The following SORCS2 variants were observed in gnomAD, a reference collection of about 807,000 sequenced individuals.
SORCS2 encodes sortilin related VPS10 domain containing receptor 2, also known as VPS10 domain-containing receptor SorCS2.
Under a neutral mutation model 141.6 loss-of-function variants are expected in SORCS2, and 100 were observed. The observed-to-expected ratio is 0.71, with a 90% CI of 0.60 to 0.83. The LOEUF is 0.83. SORCS2 is among the 40% of genes least tolerant of loss of function. The pLI, the probability that SORCS2 is intolerant of heterozygous loss-of-function variation, is 0.00. For missense variants in SORCS2, 1,646 were observed against 1,560.2 expected (o/e 1.05, Z -0.93); for synonymous variants, 789 against 676.9 (o/e 1.17, Z -2.57).
chr4:7,402,772 C>T (rs901664163), intron 2 of SORCS2, among the ~76,000 whole-genome samples: 48 of 152,116 alleles, frequency 3.2e-4, no homozygotes, highest in African/African-American at 1.1e-3. Flanking sequence ...TGTGAGATTA[C>T]AGCTTAATCT....
intron 3 of SORCS2, among the ~76,000 whole-genome samples, chr4:7,622,279 G>C (rs1452736540): frequency 6.6e-6 from 1 of 152,178 alleles, no homozygotes; most frequent in Non-Finnish European, 1.5e-5. Context: ...CTACAGAAGT[G>C]ACTCGCGGTC....
At chr4:7,267,266 C>G (rs922995790) in intron 1 of SORCS2, among the ~76,000 whole-genome samples, 2 of 152,162 alleles carry the variant, frequency 1.3e-5, no homozygotes, top group Non-Finnish European at 2.9e-5. Context: ...TTTACCTAAG[C>G]GTTAAATTCG....
chr4:7,481,129 G>T, intron 2 of SORCS2, among the ~76,000 whole-genome samples: 1 of 152,228 alleles, frequency 6.6e-6, no homozygotes, highest in East Asian at 1.9e-4. Flanking sequence ...CCAAGCCTTG[G>T]CCACACATGG....
At chr4:7,435,539 G>A (rs899152270) in intron 2 of SORCS2, among the ~76,000 whole-genome samples, 6 of 152,196 alleles carry the variant, frequency 3.9e-5, no homozygotes, top group Non-Finnish European at 8.8e-5. Context: ...CTGCCACACC[G>A]CAAAAGCCAC....
At chr4:7,705,303 C>T (rs1007432199) in intron 14 of SORCS2, among the ~76,000 whole-genome samples, 7 of 152,172 alleles carry the variant, frequency 4.6e-5, no homozygotes, top group African/African-American at 1.4e-4. Context: ...TCAGCCCTGC[C>T]GACCCCTGGA....
At chr4:7,469,130 T>C (rs967771099) in intron 2 of SORCS2, among the ~76,000 whole-genome samples, 9 of 138,474 alleles carry the variant, frequency 6.5e-5, no homozygotes, top group African/African-American at 3.1e-4. Context: ...GTGCTGATAG[T>C]GGTCATGGTG....
At chr4:7,244,516 C>A (rs1712946957) in intron 1 of SORCS2, among the ~76,000 whole-genome samples, 1 of 152,222 alleles carries the variant, frequency 6.6e-6, no homozygotes, top group African/African-American at 2.4e-5. Context: ...GGCAGGCCTG[C>A]CAAGGCCTTT....
chr4:7,561,251 A>G (rs981854412), intron 3 of SORCS2, among the ~76,000 whole-genome samples: 6 of 152,134 alleles, frequency 3.9e-5, no homozygotes, highest in African/African-American at 1.4e-4. Flanking sequence ...GAACAAGAGA[A>G]TCACTTTTAT....
intron 14 of SORCS2, among the ~76,000 whole-genome samples, chr4:7,709,082 G>A (rs1420074462): frequency 1.3e-5 from 2 of 152,182 alleles, no homozygotes; most frequent in Non-Finnish European, 2.9e-5. Context: ...CGGGGATGGG[G>A]AGTGAGGGAG....
At chr4:7,416,785 C>T (rs540859059) in intron 2 of SORCS2, among the ~76,000 whole-genome samples, 2 of 121,210 alleles carry the variant, frequency 1.7e-5, no homozygotes, top group East Asian at 5.0e-4. Flanking sequence ...TGTACACACA[C>T]GCTTGTGCAC....
At chr4:7,313,940 G>T (rs1347375079) in intron 1 of SORCS2, among the ~76,000 whole-genome samples, 1 of 152,178 alleles carries the variant, frequency 6.6e-6, no homozygotes, top group Non-Finnish European at 1.5e-5. Flanking sequence ...ATCTGCTGCA[G>T]ACCCCAGAGC....
chr4:7,674,573 CAAAATAA>C (rs1211267972), intron 8 of SORCS2, among the ~76,000 whole-genome samples: 11 of 56,418 alleles, frequency 1.9e-4, no homozygotes, highest in East Asian at 1.2e-3. Context: ...GACTCTGTCT[CAAAATAA>C]AAAAAAAAAA....
At chr4:7,441,470 T>C (rs1398506305) in intron 2 of SORCS2, among the ~76,000 whole-genome samples, 1 of 151,810 alleles carries the variant, frequency 6.6e-6, no homozygotes, top group African/African-American at 2.4e-5. Flanking sequence ...CTGAGCTGAG[T>C]GTGGGTGCCG....
At chr4:7,720,023 T>A (rs1378481464) in intron 18 of SORCS2, among the ~76,000 whole-genome samples, 1 of 151,982 alleles carries the variant, frequency 6.6e-6, no homozygotes, top group African/African-American at 2.4e-5. Context: ...AGGCACACAC[T>A]CACTGGTACA....
At chr4:7,521,926 C>T (rs749356682) in intron 2 of SORCS2, among the ~76,000 whole-genome samples, 3 of 152,210 alleles carry the variant, frequency 2.0e-5, no homozygotes, top group Non-Finnish European at 4.4e-5. Context: ...TGGTCCATGC[C>T]GTAAGCAGGG....
intron 2 of SORCS2, among the ~76,000 whole-genome samples, chr4:7,462,462 TC>T (rs1176392306): frequency 6.6e-6 from 1 of 151,938 alleles, no homozygotes; most frequent in Non-Finnish European, 1.5e-5. Context: ...AGGCCAGGGG[TC>T]CCTGATGTGC....
chr4:7,637,674 G>T (rs1236200972), intron 3 of SORCS2, among the ~76,000 whole-genome samples: 1 of 152,098 alleles, frequency 6.6e-6, no homozygotes, highest in African/African-American at 2.4e-5. Context: ...CCTGGTGTGT[G>T]GGGGGGCCCA....
intron 2 of SORCS2, among the ~76,000 whole-genome samples, chr4:7,476,844 G>A (rs1285256820): frequency 6.6e-6 from 1 of 152,192 alleles, no homozygotes; most frequent in African/African-American, 2.4e-5. Context: ...ATTGCCTACT[G>A]TCTGTGTCTC....
intron 9 of SORCS2, among the ~76,000 whole-genome samples, chr4:7,678,739 G>A (rs144073603): frequency 8.9e-4 from 134 of 149,938 alleles, no homozygotes; most frequent in African/African-American, 3.1e-3. Context: ...CCCAAGGGAT[G>A]TCCCTTCTCT....
Sources: gnomAD v4.1 joint callset for allele counts (sites outside exome capture counted in the v4.1 genomes callset) on GRCh38, gnomAD v4.1.1 for gene constraint, MANE v1.5 for transcripts, NCBI Gene and HGNC (gene_info 2026-07-23, HGNC 2026-07-21) for gene names.